The following DCAF6 variants were observed in gnomAD, a reference collection of about 807,000 sequenced individuals.
DCAF6 encodes DDB1- and CUL4-associated factor 6.
DCAF6 carries 54 observed loss-of-function variants against 125.1 expected under a neutral mutation model. The observed-to-expected ratio is 0.43, with a 90% CI of 0.35 to 0.54. The LOEUF (loss-of-function observed/expected upper bound fraction) is 0.54. Among genes scored for constraint, DCAF6 ranks in the 20% least tolerant of loss-of-function variants. The probability of loss-of-function intolerance (pLI) is 0.01; values close to 1 mark genes in which losing one functional copy is unlikely to be tolerated. For synonymous variants in DCAF6, 371 were observed against 390.4 expected, an observed-to-expected ratio of 0.95 and a Z score of 0.58; for missense variants, 934 against 1,161.7, an observed-to-expected ratio of 0.80 and a Z score of 2.85.
chr1:168,013,299 A>G (rs1684545662), intron 10 of DCAF6, among the ~76,000 whole-genome samples: 1 of 152,216 alleles, frequency 6.6e-6, no homozygotes, highest in Non-Finnish European at 1.5e-5. Context: ...TTAACTACCA[A>G]TTGGGTAATT....
chr1:167,918,271 G>A, the DCAF6 span: 1 of 1,403,280 alleles, frequency 7.1e-7, no homozygotes, highest in Non-Finnish European at 9.9e-7. Context: ...TAATAAACTA[G>A]GTCCCAATGG....
At chr1:167,895,743 T>C in the DCAF6 span, among the ~76,000 whole-genome samples, 710 of 152,188 alleles carry the variant, frequency 4.7e-3, 4 homozygotes, top group African/African-American at 0.015. Flanking sequence ...ACCTTGAGAG[T>C]GAGTGTCTGC....
chr1:167,899,329 G>C, the DCAF6 span: 3 of 1,261,318 alleles, frequency 2.4e-6, no homozygotes, highest in East Asian at 7.0e-5. Context: ...CAGCCCAGGA[G>C]CTTTATGAAA....
At chr1:167,927,520 G>GA in the DCAF6 span, among the ~76,000 whole-genome samples, 109 of 152,276 alleles carry the variant, frequency 7.2e-4, no homozygotes, top group East Asian at 8.1e-3. Context: ...GTCTCTGGCT[G>GA]AATGGGTGTT....
intron 16 of DCAF6, among the ~76,000 whole-genome samples, chr1:168,046,264 G>A (rs1383215682): frequency 6.6e-6 from 1 of 152,052 alleles, no homozygotes; most frequent in Non-Finnish European, 1.5e-5. Context: ...AGTCAATCAT[G>A]ATGTGACCTG....
the DCAF6 span, among the ~76,000 whole-genome samples, chr1:167,922,147 A>G: frequency 6.6e-6 from 1 of 152,232 alleles, no homozygotes; most frequent in African/African-American, 2.4e-5. Context: ...TAAGGTAAGT[A>G]TCTAATAGAA....
the DCAF6 span, among the ~76,000 whole-genome samples, chr1:167,906,113 G>C: frequency 6.6e-6 from 1 of 152,092 alleles, no homozygotes; most frequent in Admixed American, 6.5e-5. Context: ...TAGAGTATTA[G>C]AGGAAAAAAT....
chr1:167,972,416 TAAG>T (rs1404894736), intron 3 of DCAF6, among the ~76,000 whole-genome samples: 1 of 152,220 alleles, frequency 6.6e-6, no homozygotes, highest in Non-Finnish European at 1.5e-5. Flanking sequence ...ATAAGCTTAT[TAAG>T]GAGTTTACAT....
At chr1:167,883,714 T>C in the DCAF6 span, 1 of 1,255,462 alleles carries the variant, frequency 8.0e-7, no homozygotes, top group Non-Finnish European at 1.2e-6. Context: ...CCCGAAATCA[T>C]CTAGGGAATG....
chr1:168,000,910 A>G (rs1384263049), intron 7 of DCAF6, among the ~76,000 whole-genome samples: 2 of 152,110 alleles, frequency 1.3e-5, no homozygotes, highest in South Asian at 2.1e-4. Flanking sequence ...GAATTATATA[A>G]TGATGACGGT....
At chr1:167,930,857 C>A (rs1451660740), upstream of DCAF6, among the ~76,000 whole-genome samples, 1 of 152,240 alleles carries the variant, frequency 6.6e-6, no homozygotes, top group Non-Finnish European at 1.5e-5. Flanking sequence ...TCCTTTAGCA[C>A]ATCTGCATAA....
intron 1 of DCAF6, among the ~76,000 whole-genome samples, chr1:167,939,752 A>G (rs1027645973): frequency 7.7e-5 from 11 of 142,184 alleles, no homozygotes; most frequent in African/African-American, 2.9e-4. Context: ...GACAGAGGGA[A>G]ACTCTGCGTC....
chr1:168,054,031 C>G (rs978665279), intron 17 of DCAF6, among the ~76,000 whole-genome samples: 1 of 152,164 alleles, frequency 6.6e-6, no homozygotes, highest in Non-Finnish European at 1.5e-5. Flanking sequence ...GCAAGATACT[C>G]TCTAGCAACC....
chr1:167,934,987 A>C (rs868274445), upstream of DCAF6, among the ~76,000 whole-genome samples: 5 of 152,154 alleles, frequency 3.3e-5, no homozygotes, highest in African/African-American at 1.2e-4. Flanking sequence ...GAGAGATGTA[A>C]CGTTTACTGA....
chr1:168,022,024 C>T (rs1197590534), intron 11 of DCAF6, among the ~76,000 whole-genome samples: 1 of 152,010 alleles, frequency 6.6e-6, no homozygotes, highest in Non-Finnish European at 1.5e-5. Flanking sequence ...TTTACTGTAG[C>T]CCTACTGGAA....
the DCAF6 span, among the ~76,000 whole-genome samples, chr1:167,864,981 CTG>C: frequency 0.024 from 3,614 of 150,590 alleles, 110 homozygotes; most frequent in African/African-American, 0.075. Flanking sequence ...AATAAATTAA[CTG>C]TTGTTTAAAG....
In DCAF6 at chr1:168,075,785, C is replaced by G. The variant is rs1412410172; in HGVS notation, c.*350C>G. Reference sequence around the variant, plus strand: ...TGGTTCAAATAAATTTCTACACTTGCCATTTGCATGTTTGTTGCTTTCTAA... The same window carrying G: ...TGGTTCAAATAAATTTCTACACTTGGCATTTGCATGTTTGTTGCTTTCTAA... On this transcript the variant is annotated 3_prime_UTR_variant, in exon 22 of 22. Coordinates refer to ENST00000367840, the MANE Select transcript of DCAF6 (RefSeq NM_001198956.2). The G allele has an allele frequency of 6.4e-5, 12 of 186,404 alleles. No homozygotes were observed. The highest frequency in any genetic ancestry group is 1.3e-4 in the Non-Finnish European group (12 of 90,892). 11.5% of individuals were successfully genotyped at this position (186,404 alleles called of 1,614,324 possible). A position where few individuals can be genotyped will look rare whatever the true frequency, so the allele number is the denominator to read the frequency against.
upstream of DCAF6, among the ~76,000 whole-genome samples, chr1:167,935,511 T>C (rs556350209): frequency 7.7e-4 from 117 of 152,102 alleles, no homozygotes; most frequent in Middle Eastern, 0.017. Context: ...GGATGTCACA[T>C]AGGTGGGGAA....
At chr1:168,068,522 T>G in intron 21 of DCAF6, 59 bp downstream of exon 21, 1 of 894,588 alleles carries the variant, frequency 1.1e-6, no homozygotes, top group Non-Finnish European at 1.5e-6. Context: ...TATTATTATT[T>G]AAGATCTGCT....
Sources: gnomAD v4.1 joint callset for allele counts (sites outside exome capture counted in the v4.1 genomes callset) on GRCh38, gnomAD v4.1.1 for gene constraint, MANE v1.5 for transcripts, NCBI Gene and HGNC (gene_info 2026-07-23, HGNC 2026-07-21) for gene names.